ZFYVE28: variants seen among roughly 807,000 people sequenced by gnomAD.
ZFYVE28 encodes the protein zinc finger FYVE-type containing 28.
A neutral mutation model predicts 82.1 loss-of-function variants in ZFYVE28; 40 were observed. That is an observed-to-expected ratio of 0.49 (90% CI 0.38 to 0.63). The LOEUF is 0.63. Ranked by LOEUF, ZFYVE28 falls within the 30% of genes least tolerant of loss-of-function variation. ZFYVE28 has a pLI of 0.00. For synonymous variants in ZFYVE28, 612 were observed against 546.1 expected, an observed-to-expected ratio of 1.12 and a Z score of -1.68; for missense variants, 1,321 against 1,242.1, an observed-to-expected ratio of 1.06 and a Z score of -0.96.
Position 2,417,716 on chromosome 4 carries a change from T to C in ZFYVE28, c.39+569A>G, listed in dbSNP as rs957170074. 6.6e-6 allele frequency among the ~76,000 whole-genome samples: 1 copy of C among 151,698 alleles called. No homozygotes were observed. Among genetic ancestry groups the C allele is most frequent in the African/African-American group, 2.4e-5 (1 of 41,246 alleles). On this transcript the variant is annotated intron_variant, in intron 1 of 12. Coordinates refer to ENST00000290974, the MANE Select transcript of ZFYVE28 (RefSeq NM_020972.3). This position sits in a 1 kb window ranked among gnomAD's most constrained non-coding sequence, Gnocchi z 4.8. ...GGGCCATCAGGATCCTCTCTGGACA[T>C]GGAAGGACGGGTCTGCCCTGGACCC... is the stretch of plus-strand genomic sequence containing the variant.
chr4:2,338,795 G>A (rs925867738), intron 4 of ZFYVE28, among the ~76,000 whole-genome samples: 2 of 152,032 alleles, frequency 1.3e-5, no homozygotes, highest in African/African-American at 2.4e-5. Context: ...GAACCTCTGC[G>A]GACACCATCT....
rs573881571 is a variant in ZFYVE28, at chr4:2,405,509, G to A, written c.39+12776C>T. On this transcript the variant is annotated intron_variant, in intron 1 of 12. Transcript: ENST00000290974. Reference sequence around the variant, plus strand: ...TTCCCATCATTCCCTGCAGTGCCCCGCTCCCACTGCAGGCAGCCACATGGC... The same window carrying A: ...TTCCCATCATTCCCTGCAGTGCCCCACTCCCACTGCAGGCAGCCACATGGC... Among the ~76,000 whole-genome samples the A allele has an allele frequency of 5.4e-4, 83 of 152,340 alleles. No individual in the cohort carries two copies. In the East Asian group the frequency reaches 9.1e-3, roughly 17 times the overall value.
intron 8 of ZFYVE28, among the ~76,000 whole-genome samples, chr4:2,290,713 G>A (rs1420034652): frequency 1.3e-5 from 2 of 152,178 alleles, no homozygotes; most frequent in Non-Finnish European, 2.9e-5. Flanking sequence ...GGCCAGGCCA[G>A]GGCTGGGCCA....
At chr4:2,271,642 G>T in intron 11 of ZFYVE28, 33 bp downstream of exon 11, 1 of 1,602,462 alleles carries the variant, frequency 6.2e-7, no homozygotes, top group Non-Finnish European at 8.5e-7. Flanking sequence ...CTGGTGTCTA[G>T]TGCAGTGTCC....
At chr4:2,406,628 G>A (rs1243026898) in intron 1 of ZFYVE28, 1 of 152,204 alleles carries the variant, frequency 6.6e-6, no homozygotes, top group Non-Finnish European at 1.5e-5. Context: ...CAGCCTTTCT[G>A]CGGAAGCTGT....
chr4:2,273,124 A>G, intron 10 of ZFYVE28, 49 bp downstream of exon 10: 1 of 1,466,152 alleles, frequency 6.8e-7, no homozygotes, highest in Non-Finnish European at 9.4e-7. Flanking sequence ...GTGGGCAGGG[A>G]CACGGCCACC....
At chr4:2,282,148 A>G (rs763575735) in intron 8 of ZFYVE28, among the ~76,000 whole-genome samples, 8 of 152,218 alleles carry the variant, frequency 5.3e-5, no homozygotes, top group Admixed American at 1.3e-4. Context: ...CCGGATGTCT[A>G]AAAGTCCAGC....
chr4:2,304,742 G>A lies in ZFYVE28; in HGVS notation c.1598C>T (p.Thr533Ile), dbSNP rs369893273. 1 of 1,612,590 alleles carries A rather than the reference G, an allele frequency of 6.2e-7. No homozygotes were observed. Among genetic ancestry groups the A allele is most frequent in the African/African-American group, 1.3e-5 (1 of 74,914 alleles). Residue 533 changes from threonine (T) to isoleucine (I), a missense_variant, in exon 8 of 13, where the codon ACC (threonine) becomes ATC (isoleucine). By Grantham distance (89) the Thr-to-Ile change is moderately conservative. This residue lies in a region of ZFYVE28 where 978 missense variants were observed against 833.7 expected (regional missense o/e 1.17). Transcript: ENST00000290974. ...CACGGGCTCCGAGGCGGCCTCCTGG[G>A]TGGCGACCGCAGAGTCCAGGGAAGT... The part of the protein sequence containing the change: ...SPTSLDSAVA[T>I]QEAASEPVAE...
In ZFYVE28 at chr4:2,335,979, G is replaced by A. The variant is rs547602506; in HGVS notation, c.612-185C>T. Among the ~76,000 whole-genome samples, 4 of 152,310 alleles carry A rather than the reference G, an allele frequency of 2.6e-5. No individual in the cohort carries two copies. Among genetic ancestry groups the A allele is most frequent in the South Asian group, 2.1e-4 (1 of 4,820 alleles). ...CAAGGGGCTGGGACTGCAGGAAAAG[G>A]CCACACACTTCCCTAAATGCCCTGG... On this transcript the variant is annotated intron_variant, in intron 5 of 12. Transcript: ENST00000290974. The surrounding 1 kb of genome is among the most constrained non-coding windows in gnomAD (Gnocchi z 5.8).
At position 2,339,585 on chromosome 4, in the gene ZFYVE28, T is replaced by A. The variant is rs762889770; in HGVS notation, c.389A>T (p.Glu130Val). 14 of 1,612,256 alleles carry A rather than the reference T, an allele frequency of 8.7e-6. No individual in the cohort carries two copies. The highest frequency in any genetic ancestry group is 1.2e-5 in the Non-Finnish European group (14 of 1,179,584). The change falls in exon 4 of 13, where the codon GAG becomes GTG. Residue 130 changes from glutamate (E) to valine (V), a missense_variant. By Grantham distance (121) the Glu-to-Val change is moderately radical (BLOSUM62 -2). This residue lies in a region of ZFYVE28 where 343 missense variants were observed against 408.4 expected (regional missense o/e 0.84). Transcript: ENST00000290974. This position sits in a 1 kb window ranked among gnomAD's most constrained non-coding sequence, Gnocchi z 5.0. ...ESMAMRPLAK[E>V]LTRSLEDVRG... ...CACGTCCTCCAGGCTGCGCGTCAGC[T>A]CCTTGGCCAGCGGGCGCATGGCCAT...
Position 2,416,718 on chromosome 4 carries a change from C to G in ZFYVE28, c.39+1567G>C, listed in dbSNP as rs6842246. ...AAACCACACCCAGCGCCAGGAAACG[C>G]AAGGCTCGGGACGAACCCTTAAGAA... On this transcript the variant is annotated intron_variant, in intron 1 of 12. Coordinates refer to ENST00000290974, the MANE Select transcript of ZFYVE28 (RefSeq NM_020972.3). This position sits in a 1 kb window ranked among gnomAD's most constrained non-coding sequence, Gnocchi z 4.6. Among the ~76,000 whole-genome samples the G allele has an allele frequency of 0.3, 46,120 of 152,042 alleles. 8,070 individuals are homozygous for G. Among genetic ancestry groups the G allele is most frequent in the East Asian group, 0.51 (2,648 of 5,152 alleles).
chr4:2,381,247 T>C (rs1717132368), intron 1 of ZFYVE28, among the ~76,000 whole-genome samples: 1 of 152,178 alleles, frequency 6.6e-6, no homozygotes, highest in Non-Finnish European at 1.5e-5. Context: ...TAGAGATTTG[T>C]GGAACTCTGA....
At position 2,404,862 on chromosome 4, in the gene ZFYVE28, T is replaced by TTTC. The variant is rs1553867256; in HGVS notation, c.39+13422_39+13423insGAA. 2.8e-4 allele frequency among the ~76,000 whole-genome samples: 39 copies of TTTC among 140,228 alleles called. No individual in the cohort carries two copies. In the South Asian group the frequency reaches 6.7e-3, roughly 24 times the overall value. 92.0% of individuals were successfully genotyped at this position (140,228 alleles called of 152,430 possible). On this transcript the variant is annotated intron_variant, in intron 1 of 12. Transcript: ENST00000290974. ...TTCACCCTCTCAGTCTCGCTCTTTT[T>TTTC]TTTTTTTTTTTTTTTGAGAGAGGGT...
At chr4:2,303,685 T>C (rs960574298) in intron 8 of ZFYVE28, among the ~76,000 whole-genome samples, 2 of 152,112 alleles carry the variant, frequency 1.3e-5, no homozygotes, top group African/African-American at 4.8e-5. Flanking sequence ...CTCCCCCCAG[T>C]GCAGGGCAAG....
At chr4:2,309,919 A>T (rs1343679133) in intron 7 of ZFYVE28, among the ~76,000 whole-genome samples, 1 of 152,184 alleles carries the variant, frequency 6.6e-6, no homozygotes, top group East Asian at 1.9e-4. Flanking sequence ...AATTTTTTCA[A>T]ATGCTTTTCT....
At position 2,359,068 on chromosome 4, in the gene ZFYVE28, G is replaced by A. The variant is rs181610020; in HGVS notation, c.40-4995C>T. 2.5e-3 allele frequency among the ~76,000 whole-genome samples: 368 copies of A among 149,620 alleles called. 9 individuals carry two copies. The East Asian group carries it at 0.06, about 24-fold the overall frequency. ...CAGCTCACTGCAAGCTCAGCCTCCC[G>A]GGTTCACACCATTCTCCTGCCTCAG... On this transcript the variant is annotated intron_variant, in intron 1 of 12. Coordinates refer to ENST00000290974, the MANE Select transcript of ZFYVE28 (RefSeq NM_020972.3).
At chr4:2,308,709 G>GAA (rs200507591) in intron 7 of ZFYVE28, among the ~76,000 whole-genome samples, 4 of 88,744 alleles carry the variant, frequency 4.5e-5, no homozygotes, top group African/African-American at 1.7e-4. Context: ...AAAGAAAAAA[G>GAA]AAAAGAAAAG....
intron 1 of ZFYVE28, among the ~76,000 whole-genome samples, chr4:2,382,531 T>A (rs1728832752): frequency 6.6e-6 from 1 of 152,228 alleles, no homozygotes; most frequent in Non-Finnish European, 1.5e-5. Context: ...GATTTCGGAC[T>A]TGCATGGGCC....
chr4:2,304,886 C>T lies in ZFYVE28; in HGVS notation c.1454G>A (p.Arg485Gln), dbSNP rs772918892. The T allele has an allele frequency of 2.0e-5, 32 of 1,612,556 alleles. No homozygotes were observed. The Admixed American group carries it at 2.5e-4, about 13-fold the overall frequency. The change falls in exon 8 of 13, where the codon CGG (arginine) becomes CAG (glutamine). Residue 485 changes from arginine (R) to glutamine (Q), a missense_variant. Physicochemically the swap from Arg to Gln is conservative, Grantham distance 43 (BLOSUM62 1). Transcript: ENST00000290974. ...CACCTCCCAGCCGTCCAGGTGCAGC[C>T]GCGAGTCCAGGCAGCTGCAGGAGCT... ...GTSSCSCLDSRLHLDGWEVGA... is the reference protein window; with the variant it reads ...GTSSCSCLDSQLHLDGWEVGA...
Sources: allele counts gnomAD v4.1 joint callset (sites outside exome capture counted in the v4.1 genomes callset), GRCh38; gene constraint gnomAD v4.1.1; regional missense constraint gnomAD v4.1.1; non-coding constraint Gnocchi (gnomAD v3.1); transcripts MANE v1.5; gene names NCBI Gene and HGNC (gene_info 2026-07-23, HGNC 2026-07-21).